The following DEF6 variants were observed in gnomAD, a reference collection of about 807,000 sequenced individuals.
The protein encoded by DEF6 is differentially expressed in FDCP 6 homolog.
In DEF6, 32 loss-of-function variants were observed where a neutral mutation model predicts 80.5. The observed-to-expected ratio is 0.40, with a 90% confidence interval of 0.30 to 0.53. The LOEUF is 0.53. Among genes scored for constraint, DEF6 ranks in the 20% least tolerant of loss-of-function variants. The pLI is 0.57. For missense variants in DEF6, 575 were observed against 818.7 expected (o/e 0.70, Z 3.63); for synonymous variants, 300 against 337.9 (o/e 0.89, Z 1.23).
chr6:35,320,237 G>C (rs552594287), intron 9 of DEF6, among the ~76,000 whole-genome samples: 1 of 152,206 alleles, frequency 6.6e-6, no homozygotes, highest in Non-Finnish European at 1.5e-5. Flanking sequence ...TACTTAGTAC[G>C]TAGTAAGTGC....
intron 1 of DEF6, among the ~76,000 whole-genome samples, chr6:35,304,655 G>A (rs1169769289): frequency 6.6e-6 from 1 of 152,142 alleles, no homozygotes; most frequent in African/African-American, 2.4e-5. Context: ...AACCATTGGA[G>A]CATTTGAGTT....
rs774228552 is a variant in DEF6 at position 35,310,518 on chromosome 6, CAAG to C, written c.303_305del (p.Lys101del). ...ATGAGCTGTGCTGGACGCTGACGGC[CAAG>C]AAGAACTATCGGGCAGATAGCAACG... On this transcript the variant is annotated inframe_deletion, in exon 3 of 11. Transcript: ENST00000316637. 33 of 1,614,150 alleles carry C rather than the reference CAAG, an allele frequency of 2.0e-5. No homozygotes were observed. The highest frequency in any genetic ancestry group is 9.3e-5 in the African/African-American group (7 of 75,014).
At position 35,312,881 on chromosome 6, in the gene DEF6, C is replaced by A; in HGVS notation, c.807+109C>A. 1.5e-6 allele frequency: 2 copies of A among 1,307,354 alleles called. No homozygotes were observed. Among genetic ancestry groups the A allele is most frequent in the Non-Finnish European group, 2.1e-6 (2 of 950,490 alleles). 81.0% of individuals were successfully genotyped at this position (1,307,354 alleles called of 1,614,324 possible). On this transcript the variant is annotated intron_variant, in intron 5 of 10. Transcript: ENST00000316637. This position sits in a 1 kb window ranked among gnomAD's most constrained non-coding sequence, Gnocchi z 6.6. Reference sequence around the variant, plus strand: ...GGCAAATGGAGAAAAGCCACAGTGACACAAATTCCTGCTTAGATTAGTGTG... The same window carrying A: ...GGCAAATGGAGAAAAGCCACAGTGAAACAAATTCCTGCTTAGATTAGTGTG...
intron 1 of DEF6, among the ~76,000 whole-genome samples, chr6:35,305,422 G>A (rs1052054375): frequency 4.6e-5 from 7 of 152,028 alleles, no homozygotes; most frequent in East Asian, 1.9e-4. Context: ...CCTGGGAGGC[G>A]GAAGCTGCAG....
intron 1 of DEF6, among the ~76,000 whole-genome samples, chr6:35,298,349 G>A (rs1048694992): frequency 1.3e-5 from 2 of 152,198 alleles, no homozygotes; most frequent in East Asian, 3.9e-4. Context: ...TGACTTTCAA[G>A]AGAAACAGTT....
intron 1 of DEF6, among the ~76,000 whole-genome samples, chr6:35,302,428 A>G (rs1347350516): frequency 6.6e-6 from 1 of 152,122 alleles, no homozygotes; most frequent in Non-Finnish European, 1.5e-5. Flanking sequence ...TGGATTCCCA[A>G]ACCCTGGGGA....
Position 35,318,863 on chromosome 6 carries a change from G to C in DEF6, c.1215+392G>C, listed in dbSNP as rs1791554661. On this transcript the variant is annotated intron_variant, in intron 7 of 10. Coordinates refer to ENST00000316637, the MANE Select transcript of DEF6 (RefSeq NM_022047.4). The surrounding 1 kb of genome is among the most constrained non-coding windows in gnomAD (Gnocchi z 5.1). ...TAAGTTTACAGTGAAACCAGTTTGA[G>C]AGGCAAGCGGGACGCGTATGGAGGC... Among the ~76,000 whole-genome samples, 1 of 152,186 alleles carries C rather than the reference G, an allele frequency of 6.6e-6. No homozygotes were observed. Among genetic ancestry groups the C allele is most frequent in the African/African-American group, 2.4e-5 (1 of 41,430 alleles).
intron 1 of DEF6, among the ~76,000 whole-genome samples, chr6:35,300,801 G>A (rs1434561757): frequency 6.6e-6 from 1 of 152,200 alleles, no homozygotes; most frequent in Non-Finnish European, 1.5e-5. Context: ...CTGACAGAGG[G>A]CTATAGAGAG....
rs986866377 is a variant in DEF6 at position 35,321,526 on chromosome 6, G to T, written c.*116G>T. 2.1e-6 allele frequency: 2 copies of T among 943,048 alleles called. No individual in the cohort carries two copies. Among genetic ancestry groups the T allele is most frequent in the Admixed American group, 2.6e-5 (1 of 37,854 alleles). 58.4% of individuals were successfully genotyped at this position (943,048 alleles called of 1,614,324 possible). Reference sequence around the variant, plus strand: ...GGGAGCTGAGGTCCTGGTGCCAGGGGCCCAGGCCCTCCAACCATAAACAGT... The same window carrying T: ...GGGAGCTGAGGTCCTGGTGCCAGGGTCCCAGGCCCTCCAACCATAAACAGT... On this transcript the variant is annotated 3_prime_UTR_variant, in exon 11 of 11. Transcript: ENST00000316637.
chr6:35,298,058 A>G, intron 1 of DEF6, 106 bp downstream of exon 1: 1 of 1,029,170 alleles, frequency 9.7e-7, no homozygotes, highest in Non-Finnish European at 1.4e-6. Context: ...GCACCCAGCC[A>G]TCCAGCGTCC....
chr6:35,299,812 C>T (rs1351748080), intron 1 of DEF6, among the ~76,000 whole-genome samples: 5 of 151,278 alleles, frequency 3.3e-5, no homozygotes, highest in Admixed American at 1.3e-4. Flanking sequence ...GCGGAAATGG[C>T]GGGGCTCCTT....
Position 35,310,542 on chromosome 6 carries a change from C to T in DEF6, c.321C>T (p.Ser107=). 1 of 1,614,142 alleles carries T rather than the reference C, an allele frequency of 6.2e-7. No individual in the cohort carries two copies. The highest frequency in any genetic ancestry group is 1.3e-5 in the African/African-American group (1 of 75,016). The change falls in exon 3 of 11, where the codon AGC becomes AGT. Residue 107 remains serine (S), a synonymous_variant. Transcript: ENST00000316637. The stretch of plus-strand genomic sequence containing the variant: ...CCAAGAAGAACTATCGGGCAGATAG[C>T]AACGGGAACAGTATGCTCTCCAATC... The part of the protein sequence containing the change: ...LTAKKNYRAD[S]NGNSMLSNQD...
chr6:35,321,210 T>A lies in DEF6; in HGVS notation c.1696T>A (p.Ser566Thr). 1 of 1,612,510 alleles carries A rather than the reference T, an allele frequency of 6.2e-7. No individual in the cohort carries two copies. The highest frequency in any genetic ancestry group is 2.2e-5 in the East Asian group (1 of 44,864). ...AGATAAGCGTCCGGTCACCAGCAGCTCCTTCTCAGGCTTCCAGCCCCCTCT... is the reference window on the plus strand; with the variant it reads ...AGATAAGCGTCCGGTCACCAGCAGCACCTTCTCAGGCTTCCAGCCCCCTCT... ...PGDKRPVTSS[S>T]FSGFQPPLLA... The change falls in exon 11 of 11, where the codon TCC becomes ACC. Residue 566 changes from serine to threonine, a missense_variant. Ser to Thr is a moderately conservative substitution (Grantham distance 58, BLOSUM62 1). Coordinates refer to ENST00000316637, the MANE Select transcript of DEF6 (RefSeq NM_022047.4).
chr6:35,319,719 C>A lies in DEF6; in HGVS notation c.1382+29C>A. The A allele has an allele frequency of 6.2e-7, 1 of 1,607,290 alleles. No homozygotes were observed. Among genetic ancestry groups the A allele is most frequent in the South Asian group, 1.1e-5 (1 of 90,552 alleles). ...GGCCTGAGGAACCTCTTCTGGTTCT[C>A]TCACCACCCCTCCTGGAACACACCC... is the stretch of plus-strand genomic sequence containing the variant. On this transcript the variant is annotated intron_variant, in intron 8 of 10. Transcript: ENST00000316637. The surrounding 1 kb of genome is among the most constrained non-coding windows in gnomAD (Gnocchi z 4.5).
chr6:35,310,308 TG>T, intron 2 of DEF6, 150 bp from the exon 3 acceptor site: 1 of 748,112 alleles, frequency 1.3e-6, no homozygotes, highest in Non-Finnish European at 2.2e-6. Flanking sequence ...GCTAGTTACC[TG>T]GTAATCAGCT....
At chr6:35,314,754 T>C (rs1172871332) in intron 5 of DEF6, among the ~76,000 whole-genome samples, 1 of 152,212 alleles carries the variant, frequency 6.6e-6, no homozygotes, top group Non-Finnish European at 1.5e-5. Flanking sequence ...ATGGCTGTCC[T>C]GAAGCTTTTT....
rs768719749 is a variant in DEF6 at position 35,309,718 on chromosome 6, G to A, written c.145G>A (p.Val49Met). The change falls in exon 2 of 11, where the codon GTG becomes ATG. Residue 49 changes from valine to methionine, a missense_variant. Val to Met is a conservative substitution (Grantham distance 21). Transcript: ENST00000316637. Reference sequence around the variant, plus strand: ...GGTCCTGCACATCCCCCATGACCCCGTGGCCCTGGAGGAACACTTCCGAGA... The same window carrying A: ...GGTCCTGCACATCCCCCATGACCCCATGGCCCTGGAGGAACACTTCCGAGA... ...YTVLHIPHDPVALEEHFRDDD... is the reference protein window; with the variant it reads ...YTVLHIPHDPMALEEHFRDDD... The A allele has an allele frequency of 1.9e-6, 3 of 1,613,972 alleles. No homozygotes were observed. The highest frequency in any genetic ancestry group is 2.2e-5 in the East Asian group (1 of 44,864).
Position 35,321,277 on chromosome 6 carries a change from G to A in DEF6, c.1763G>A (p.Trp588Ter). 1 of 1,613,838 alleles carries A rather than the reference G, an allele frequency of 6.2e-7. No homozygotes were observed. The change falls in exon 11 of 11, where the codon TGG becomes TAG. Residue 588 changes from tryptophan to a stop codon, truncating the protein, a stop_gained. Transcript: ENST00000316637. LOFTEE classifies it high-confidence loss of function. ...RDSSLKRLTR[W>*]GSQGNRTPSP... ...TCCTCCCTAAAGCGCCTGACCCGCT[G>A]GGGATCCCAGGGCAACAGGACCCCC...
At chr6:35,316,881 T>G (rs1213621103) in intron 5 of DEF6, among the ~76,000 whole-genome samples, 7 of 152,236 alleles carry the variant, frequency 4.6e-5, no homozygotes, top group Admixed American at 1.3e-4. Context: ...TCATACTCCC[T>G]GACCCCAGCT....
Sources: gnomAD v4.1 joint callset for allele counts (sites outside exome capture counted in the v4.1 genomes callset) on GRCh38, gnomAD v4.1.1 for gene constraint, Gnocchi (gnomAD v3.1) non-coding constraint, MANE v1.5 for transcripts, NCBI Gene and HGNC (gene_info 2026-07-23, HGNC 2026-07-21) for gene names.